LUZP2: variants seen among roughly 807,000 people sequenced by gnomAD.
LUZP2 encodes the protein leucine zipper protein 2.
Under a neutral mutation model 51.6 loss-of-function variants are expected in LUZP2, and 52 were observed. The observed-to-expected ratio is 1.01, with a 90% CI of 0.81 to 1.27. The LOEUF (loss-of-function observed/expected upper bound fraction) is 1.27, where lower values mean the gene tolerates loss of function less well. Ranked by LOEUF, LUZP2 falls within the 50% of genes most tolerant of loss-of-function variation. The probability of loss-of-function intolerance (pLI) is 0.00; values close to 1 mark genes in which losing one functional copy is unlikely to be tolerated. For synonymous variants in LUZP2, 154 were observed against 137.3 expected (o/e 1.12, Z -0.85); for missense variants, 436 against 395.4 (o/e 1.10, Z -0.87).
intron 5 of LUZP2, among the ~76,000 whole-genome samples, chr11:24,824,878 A>G (rs1189770378): frequency 5.9e-5 from 9 of 152,144 alleles, no homozygotes; most frequent in African/African-American, 2.2e-4. Context: ...ATAAATTACA[A>G]TCCATGTTAC....
chr11:24,955,856 AATAAG>A (rs1335297276), intron 7 of LUZP2, among the ~76,000 whole-genome samples: 14 of 152,222 alleles, frequency 9.2e-5, no homozygotes, highest in Admixed American at 7.2e-4. Flanking sequence ...TTGTAAAGAC[AATAAG>A]AAATCACTGA....
intron 5 of LUZP2, among the ~76,000 whole-genome samples, chr11:24,813,472 T>C (rs1013560223): frequency 6.6e-6 from 1 of 152,020 alleles, no homozygotes; most frequent in African/African-American, 2.4e-5. Context: ...GCACATCACA[T>C]GGCAAGAATG....
At chr11:25,003,369 G>A (rs538213639) in intron 9 of LUZP2, among the ~76,000 whole-genome samples, 7 of 152,314 alleles carry the variant, frequency 4.6e-5, no homozygotes, top group East Asian at 1.9e-4. Flanking sequence ...GGGAGTCAGA[G>A]TGCAGGCGAA....
intron 1 of LUZP2, chr11:24,646,562 C>T (rs1027320213): frequency 6.1e-6 from 6 of 984,012 alleles, no homozygotes; most frequent in Non-Finnish European, 7.2e-6. Context: ...ACTGCTTCTG[C>T]TGGAACCTCC....
chr11:24,889,125 G>T (rs1852766679), intron 5 of LUZP2, among the ~76,000 whole-genome samples: 1 of 152,110 alleles, frequency 6.6e-6, no homozygotes, highest in African/African-American at 2.4e-5. Context: ...AAAGGGGATG[G>T]ATGTTTTCTC....
intron 10 of LUZP2, among the ~76,000 whole-genome samples, chr11:25,061,379 A>G (rs1336313428): frequency 1.3e-5 from 2 of 152,182 alleles, no homozygotes; most frequent in Non-Finnish European, 2.9e-5. Context: ...CAAACAGGTT[A>G]TTCTAGAGGT....
At chr11:24,615,101 T>C (rs561450262) in intron 1 of LUZP2, among the ~76,000 whole-genome samples, 1 of 152,128 alleles carries the variant, frequency 6.6e-6, no homozygotes, top group African/African-American at 2.4e-5. Flanking sequence ...TTAAATCTTA[T>C]TTTTAATTTT....
intron 8 of LUZP2, among the ~76,000 whole-genome samples, chr11:24,979,874 G>C (rs998295931): frequency 6.6e-6 from 1 of 151,796 alleles, no homozygotes; most frequent in Non-Finnish European, 1.5e-5. Context: ...CAATGACTGA[G>C]TAATACAGAA....
intron 5 of LUZP2, among the ~76,000 whole-genome samples, chr11:24,776,824 G>A (rs552214476): frequency 3.6e-4 from 55 of 152,150 alleles, no homozygotes; most frequent in African/African-American, 1.3e-3. Flanking sequence ...GGAAGGAAAT[G>A]GAAGAACTGC....
chr11:24,994,996 A>C (rs948761170), intron 9 of LUZP2, among the ~76,000 whole-genome samples: 9 of 152,234 alleles, frequency 5.9e-5, no homozygotes, highest in African/African-American at 2.2e-4. Flanking sequence ...CACAAATAAG[A>C]ATACCATAAA....
chr11:24,877,262 A>G (rs1421483812), intron 5 of LUZP2, among the ~76,000 whole-genome samples: 1 of 152,112 alleles, frequency 6.6e-6, no homozygotes, highest in African/African-American at 2.4e-5. Context: ...TCAAGTAAAC[A>G]GTCTTGTATT....
intron 5 of LUZP2, among the ~76,000 whole-genome samples, chr11:24,782,614 T>G (rs1849126648): frequency 6.6e-6 from 1 of 152,002 alleles, no homozygotes; most frequent in Non-Finnish European, 1.5e-5. Flanking sequence ...CACTTTCTCC[T>G]CTTCCTCTTC....
intron 5 of LUZP2, among the ~76,000 whole-genome samples, chr11:24,816,001 T>TTA (rs1436911229): frequency 0.087 from 1,075 of 12,346 alleles, 14 homozygotes; most frequent in Admixed American, 0.31. Flanking sequence ...ATCTTCTTTT[T>TTA]TTTTTAAAAA....
chr11:24,573,927 A>T (rs1004120832), intron 1 of LUZP2, among the ~76,000 whole-genome samples: 75 of 151,608 alleles, frequency 4.9e-4, no homozygotes, highest in African/African-American at 1.8e-3. Context: ...TGTGCACAAC[A>T]TGCAGGTTTG....
At chr11:24,786,162 C>T (rs1849239293) in intron 5 of LUZP2, 1 of 984,292 alleles carries the variant, frequency 1.0e-6, no homozygotes, top group Admixed American at 6.2e-5. Flanking sequence ...ATATATGTCT[C>T]AGGGAAACCT....
intron 1 of LUZP2, among the ~76,000 whole-genome samples, chr11:24,500,088 C>T (rs548398458): frequency 1.6e-4 from 25 of 152,234 alleles, no homozygotes; most frequent in Middle Eastern, 3.4e-3. Flanking sequence ...ACTTTAGATG[C>T]TGAAGCACAA....
intron 1 of LUZP2, among the ~76,000 whole-genome samples, chr11:24,557,072 A>G (rs887702695): frequency 6.6e-6 from 1 of 152,068 alleles, no homozygotes; most frequent in African/African-American, 2.4e-5. Flanking sequence ...CTCATGTCCT[A>G]TCTAATGAAG....
At chr11:24,555,078 A>C (rs925779606) in intron 1 of LUZP2, among the ~76,000 whole-genome samples, 5 of 110,456 alleles carry the variant, frequency 4.5e-5, no homozygotes, top group African/African-American at 1.7e-4. Flanking sequence ...CTTGTTTGTA[A>C]GGCTGATAAC....
chr11:24,657,918 TA>T (rs1855866849), intron 1 of LUZP2, among the ~76,000 whole-genome samples: 1 of 151,998 alleles, frequency 6.6e-6, no homozygotes, highest in Admixed American at 6.6e-5. Flanking sequence ...CTCAATGAAA[TA>T]AAAGAGGACA....
Sources: gnomAD v4.1 joint callset for allele counts (sites outside exome capture counted in the v4.1 genomes callset) on GRCh38, gnomAD v4.1.1 for gene constraint, MANE v1.5 for transcripts, NCBI Gene and HGNC (gene_info 2026-07-23, HGNC 2026-07-21) for gene names.